CHST15: variants seen among roughly 807,000 people sequenced by gnomAD.
CHST15 encodes carbohydrate sulfotransferase 15, also known as B cell RAG associated protein (GALNAC4S-6ST).
Under a neutral mutation model 53.6 loss-of-function variants are expected in CHST15, and 30 were observed. The ratio of observed to expected loss-of-function variants is 0.56; its 90% CI spans 0.42 to 0.76. The LOEUF is 0.76. Ranked by LOEUF, CHST15 falls within the 30% of genes least tolerant of loss-of-function variation. The probability of loss-of-function intolerance (pLI) is 0.00; values close to 1 mark genes in which losing one functional copy is unlikely to be tolerated. For synonymous variants in CHST15, 296 were observed against 289.8 expected, an observed-to-expected ratio of 1.02 and a Z score of -0.22; for missense variants, 627 against 740.5, an observed-to-expected ratio of 0.85 and a Z score of 1.78.
Position 124,007,919 on chromosome 10 carries a change from C to T in CHST15, c.*2230G>A, listed in dbSNP as rs771330739. On this transcript the variant is annotated 3_prime_UTR_variant, in exon 8 of 8. Transcript: ENST00000435907. The stretch of plus-strand genomic sequence containing the variant: ...TCGAGAACCACCGCCCAGAACGGAA[C>T]CTATTCTGTCAGCAAGAGCCGGGCC... The T allele has an allele frequency of 5.7e-6, 7 of 1,232,012 alleles. No individual in the cohort carries two copies. The highest frequency in any genetic ancestry group is 7.1e-6 in the Non-Finnish European group (7 of 987,956). 76.3% of individuals were successfully genotyped at this position (1,232,012 alleles called of 1,614,324 possible). A position where few individuals can be genotyped will look rare whatever the true frequency, so the allele number is the denominator to read the frequency against.
In CHST15 at chr10:124,060,421, C is replaced by A. The variant is rs556972388; in HGVS notation, c.-512-13697G>T. Among the ~76,000 whole-genome samples, 20 of 147,748 alleles carry A rather than the reference C, an allele frequency of 1.4e-4. No individual in the cohort carries two copies. The East Asian group carries it at 3.5e-3, about 26-fold the overall frequency. Reference sequence around the variant, plus strand: ...CCAGGGGTGTGTGGAGGTGTGCCAGCCCCACCAGGGGTGTGTGGAGGTGTG... The same window carrying A: ...CCAGGGGTGTGTGGAGGTGTGCCAGACCCACCAGGGGTGTGTGGAGGTGTG... On this transcript the variant is annotated intron_variant, in intron 1 of 7. Coordinates refer to ENST00000435907, the MANE Select transcript of CHST15 (RefSeq NM_001270764.2).
Position 124,009,721 on chromosome 10 carries a change from G to A in CHST15, c.*428C>T. 1 of 1,024,922 alleles carries A rather than the reference G, an allele frequency of 9.8e-7. No individual in the cohort carries two copies. Among genetic ancestry groups the A allele is most frequent in the Non-Finnish European group, 1.2e-6 (1 of 853,110 alleles). 63.5% of individuals were successfully genotyped at this position (1,024,922 alleles called of 1,614,324 possible). A position where few individuals can be genotyped will look rare whatever the true frequency, so the allele number is the denominator to read the frequency against. ...GACCCCATCTCTAGGGGGAAAAAAAGGGAACGTGAAGTGTAAGTTCCAGCC... is the reference window on the plus strand; with the variant it reads ...GACCCCATCTCTAGGGGGAAAAAAAAGGAACGTGAAGTGTAAGTTCCAGCC... On this transcript the variant is annotated 3_prime_UTR_variant, in exon 8 of 8. Coordinates refer to ENST00000435907, the MANE Select transcript of CHST15 (RefSeq NM_001270764.2).
chr10:124,028,239 G>C (rs1416216694), intron 5 of CHST15, among the ~76,000 whole-genome samples: 2 of 152,200 alleles, frequency 1.3e-5, no homozygotes, highest in Non-Finnish European at 2.9e-5. Context: ...CACACTGCGG[G>C]ATCTTGTATC....
At chr10:124,062,386 A>G (rs1948605535) in intron 1 of CHST15, among the ~76,000 whole-genome samples, 1 of 152,222 alleles carries the variant, frequency 6.6e-6, no homozygotes, top group South Asian at 2.1e-4. Context: ...CAAAACCCAG[A>G]GGCAGGTGAA....
At chr10:124,035,271 A>G (rs1436969239) in intron 5 of CHST15, among the ~76,000 whole-genome samples, 3 of 128,698 alleles carry the variant, frequency 2.3e-5, no homozygotes, top group South Asian at 5.8e-4. Context: ...CTCCACCCCT[A>G]ACAGGGACCC....
intron 1 of CHST15, among the ~76,000 whole-genome samples, chr10:124,048,500 A>G (rs1027462033): frequency 7.9e-5 from 12 of 152,170 alleles, no homozygotes; most frequent in Admixed American, 7.2e-4. Flanking sequence ...GGGCAGCTGG[A>G]GGGACATGTC....
intron 1 of CHST15, among the ~76,000 whole-genome samples, chr10:124,087,291 G>T (rs1949463177): frequency 6.6e-6 from 1 of 152,194 alleles, no homozygotes; most frequent in African/African-American, 2.4e-5. Flanking sequence ...GGCCACCCTG[G>T]GAGGGATGGG....
At chr10:124,015,711 T>C (rs1946565144) in intron 6 of CHST15, among the ~76,000 whole-genome samples, 1 of 152,198 alleles carries the variant, frequency 6.6e-6, no homozygotes, top group Non-Finnish European at 1.5e-5. Flanking sequence ...TAGGCAATGG[T>C]GATTTGCTGC....
At chr10:124,076,918 C>G (rs906881643) in intron 1 of CHST15, among the ~76,000 whole-genome samples, 1 of 152,084 alleles carries the variant, frequency 6.6e-6, no homozygotes, top group Non-Finnish European at 1.5e-5. Flanking sequence ...ACCGTGTTAG[C>G]CAGGATGGTC....
chr10:124,009,071 A>ACCACAC lies in CHST15; in HGVS notation c.*1072_*1077dup. 1.6e-6 allele frequency: 2 copies of ACCACAC among 1,283,458 alleles called. No individual in the cohort carries two copies. Among genetic ancestry groups the ACCACAC allele is most frequent in the South Asian group, 2.5e-5 (2 of 80,810 alleles). The allele number at this position is 1,283,458 out of a possible 1,614,324, so 79.5% of individuals were successfully genotyped here. On this transcript the variant is annotated 3_prime_UTR_variant, in exon 8 of 8. Coordinates refer to ENST00000435907, the MANE Select transcript of CHST15 (RefSeq NM_001270764.2). ...GTCCCTTGCTGGGTGAGGAACTTTG[A>ACCACAC]CCACACGCAGTGGAGAATGTGGAAA...
chr10:124,071,872 C>A (rs1194990922), intron 1 of CHST15, among the ~76,000 whole-genome samples: 1 of 152,114 alleles, frequency 6.6e-6, no homozygotes, highest in Non-Finnish European at 1.5e-5. Context: ...ATTCTTCGGC[C>A]GTCCTAGTCA....
intron 5 of CHST15, among the ~76,000 whole-genome samples, chr10:124,034,761 ACGCCGGCTCCACC>A: frequency 2.3e-5 from 3 of 127,762 alleles, no homozygotes; most frequent in Middle Eastern, 4.9e-3. Context: ...CCTAACAGGG[ACGCCGGCTCCACC>A]CCCTAACAGG....
At position 124,042,421 on chromosome 10, in the gene CHST15, G is replaced by A. The variant is rs1947775476; in HGVS notation, c.913C>T (p.Arg305Ter). The A allele has an allele frequency of 3.7e-6, 6 of 1,614,014 alleles. No homozygotes were observed. The highest frequency in any genetic ancestry group is 3.3e-5 in the South Asian group (3 of 91,088). The part of the protein sequence containing the change: ...FGIVRLRDGL[R>*]DRYPVEDYLD... ...TAATCTTCCACGGGATAGCGGTCTC[G>A]CAGCCCATCTCTTAGGCGGACGATT... Residue 305 changes from arginine (R) to a stop codon, truncating the protein, a stop_gained, in exon 4 of 8, where the codon CGA (arginine) becomes TGA (stop). Coordinates refer to ENST00000435907, the MANE Select transcript of CHST15 (RefSeq NM_001270764.2). LOFTEE classifies it high-confidence loss of function.
At chr10:124,052,258 G>A (rs1174113452) in intron 1 of CHST15, among the ~76,000 whole-genome samples, 1 of 152,188 alleles carries the variant, frequency 6.6e-6, no homozygotes, top group East Asian at 1.9e-4. Flanking sequence ...CTCTAAGATA[G>A]AAGGTTGTTG....
At chr10:124,053,948 C>T (rs905136293) in intron 1 of CHST15, among the ~76,000 whole-genome samples, 2 of 151,930 alleles carry the variant, frequency 1.3e-5, no homozygotes, top group Non-Finnish European at 1.5e-5. Flanking sequence ...AAAAGAAACT[C>T]GGAAGGGAGC....
chr10:124,078,061 G>C (rs1949130338), intron 1 of CHST15, among the ~76,000 whole-genome samples: 1 of 152,140 alleles, frequency 6.6e-6, no homozygotes, highest in African/African-American at 2.4e-5. Flanking sequence ...TAGCTCTACG[G>C]GTAGAATTGT....
rs763299588 is a variant in CHST15 at position 124,046,253 on chromosome 10, G to A, written c.-41C>T. The A allele has an allele frequency of 1.3e-6, 2 of 1,531,998 alleles. No individual in the cohort carries two copies. Among genetic ancestry groups the A allele is most frequent in the East Asian group, 2.3e-5 (1 of 44,134 alleles). 94.9% of individuals were successfully genotyped at this position (1,531,998 alleles called of 1,614,324 possible). On this transcript the variant is annotated 5_prime_UTR_variant, in exon 2 of 8. Transcript: ENST00000435907. ...CTGGGCTGCTGGCTTACCGAGCCAT[G>A]GGTGGGCCCCCCACGAGTCTGGATG...
At chr10:124,064,253 C>T (rs1442757536) in intron 1 of CHST15, among the ~76,000 whole-genome samples, 1 of 152,114 alleles carries the variant, frequency 6.6e-6, no homozygotes, top group East Asian at 1.9e-4. Context: ...ACAATCAAGA[C>T]CTGCTCTGGT....
At chr10:124,076,834 C>G (rs963673382) in intron 1 of CHST15, among the ~76,000 whole-genome samples, 1 of 152,004 alleles carries the variant, frequency 6.6e-6, no homozygotes. Context: ...CTCAGCCTCC[C>G]GAGGAGCTGG....
Sources: allele counts gnomAD v4.1 joint callset (sites outside exome capture counted in the v4.1 genomes callset), GRCh38; gene constraint gnomAD v4.1.1; transcripts MANE v1.5; gene names NCBI Gene and HGNC (gene_info 2026-07-23, HGNC 2026-07-21).